Variants in EEPD1 observed in about 807,000 individuals in gnomAD.
EEPD1 encodes the protein endonuclease/exonuclease/phosphatase family domain-containing protein 1.
In EEPD1, 17 loss-of-function variants were observed where a neutral mutation model predicts 46.3. The observed-to-expected ratio is 0.37, with a 90% CI of 0.25 to 0.55. The LOEUF (loss-of-function observed/expected upper bound fraction) is 0.55. EEPD1 is among the 20% of genes least tolerant of loss of function. EEPD1 has a pLI of 0.83. For synonymous variants in EEPD1, 313 were observed against 315.6 expected (o/e 0.99, Z 0.09); for missense variants, 673 against 745.6 (o/e 0.90, Z 1.13).
intron 3 of EEPD1, among the ~76,000 whole-genome samples, chr7:36,244,971 A>C (rs1179958027): frequency 6.7e-6 from 1 of 148,162 alleles, no homozygotes; most frequent in African/African-American, 2.5e-5. Flanking sequence ...TTTGAGATGG[A>C]GTCTCGCTCT....
rs1222098273 is a variant in EEPD1, at chr7:36,301,301, T to C, written c.*2095T>C. On this transcript the variant is annotated 3_prime_UTR_variant, in exon 8 of 8. Coordinates refer to ENST00000242108, the MANE Select transcript of EEPD1 (RefSeq NM_030636.3). Reference sequence around the variant, plus strand: ...ATTGGGTGTTGGCTGTTTTTGGTTTTAGTTGTTGTTTTGTATTTTGTTGTT... The same window carrying C: ...ATTGGGTGTTGGCTGTTTTTGGTTTCAGTTGTTGTTTTGTATTTTGTTGTT... 3 of 152,342 alleles carry C rather than the reference T, an allele frequency of 2.0e-5. No homozygotes were observed. Among genetic ancestry groups the C allele is most frequent in the Admixed American group, 2.0e-4 (3 of 15,306 alleles). 9.4% of individuals were successfully genotyped at this position (152,342 alleles called of 1,614,324 possible).
chr7:36,259,988 A>G (rs1193060626), intron 3 of EEPD1, among the ~76,000 whole-genome samples: 1 of 152,228 alleles, frequency 6.6e-6, no homozygotes, highest in Non-Finnish European at 1.5e-5. Flanking sequence ...CTCTAATCCC[A>G]TGTAGCTCCT....
intron 2 of EEPD1, among the ~76,000 whole-genome samples, chr7:36,163,976 C>T (rs1394414001): frequency 2.6e-5 from 4 of 151,482 alleles, no homozygotes; most frequent in East Asian, 1.9e-4. Flanking sequence ...AGGCTAGATG[C>T]TTTCTTAACC....
intron 6 of EEPD1, among the ~76,000 whole-genome samples, chr7:36,289,519 TTG>T (rs141662490): frequency 6.6e-6 from 1 of 152,098 alleles, no homozygotes; most frequent in Non-Finnish European, 1.5e-5. Context: ...CCTCACTTTT[TTG>T]TGTGTGTGTG....
chr7:36,256,292 A>T (rs1786827812), intron 3 of EEPD1, among the ~76,000 whole-genome samples: 1 of 152,194 alleles, frequency 6.6e-6, no homozygotes, highest in Non-Finnish European at 1.5e-5. Context: ...AAGAATGTAT[A>T]TTCTATTGAT....
intron 3 of EEPD1, among the ~76,000 whole-genome samples, chr7:36,270,364 T>C (rs1787083894): frequency 6.6e-6 from 1 of 152,122 alleles, no homozygotes; most frequent in Non-Finnish European, 1.5e-5. Flanking sequence ...AACGTGCAGG[T>C]TTGTTACATA....
At chr7:36,259,418 T>C (rs1786881490) in intron 3 of EEPD1, among the ~76,000 whole-genome samples, 2 of 152,364 alleles carry the variant, frequency 1.3e-5, no homozygotes, top group South Asian at 4.1e-4. Context: ...ACTGTATAGC[T>C]GTATTCCGTC....
At chr7:36,293,411 C>T (rs1476086901) in intron 6 of EEPD1, among the ~76,000 whole-genome samples, 1 of 152,124 alleles carries the variant, frequency 6.6e-6, no homozygotes, top group Non-Finnish European at 1.5e-5. Flanking sequence ...CATGCAATCC[C>T]AGAGAGCTTC....
chr7:36,219,004 C>T (rs766583101), intron 2 of EEPD1, among the ~76,000 whole-genome samples: 19 of 151,864 alleles, frequency 1.3e-4, no homozygotes, highest in Non-Finnish European at 2.5e-4. Context: ...AGTGGGGTTT[C>T]GGGTTGGTAT....
intron 3 of EEPD1, among the ~76,000 whole-genome samples, chr7:36,260,798 TC>T (rs1786908540): frequency 6.6e-6 from 1 of 152,206 alleles, no homozygotes; most frequent in Non-Finnish European, 1.5e-5. Flanking sequence ...GCCCTCCACA[TC>T]TGTAGATTCA....
At chr7:36,173,164 G>A (rs1243814380) in intron 2 of EEPD1, among the ~76,000 whole-genome samples, 4 of 151,822 alleles carry the variant, frequency 2.6e-5, no homozygotes, top group African/African-American at 4.8e-5. Flanking sequence ...TCATAGGGAC[G>A]GTTTCCCCCA....
chr7:36,295,103 G>A (rs34260728), intron 6 of EEPD1, among the ~76,000 whole-genome samples: 36,923 of 151,152 alleles, frequency 0.24, 4,966 homozygotes, highest in Non-Finnish European at 0.31. Context: ...GCTTGAACCC[G>A]AGAGGCAGAG....
intron 2 of EEPD1, among the ~76,000 whole-genome samples, chr7:36,208,793 G>A (rs1171325680): frequency 6.6e-6 from 1 of 152,226 alleles, no homozygotes; most frequent in Non-Finnish European, 1.5e-5. Flanking sequence ...ATTAGAGGCA[G>A]TGATGCTTCA....
At chr7:36,280,261 G>A (rs974247418) in intron 3 of EEPD1, among the ~76,000 whole-genome samples, 4 of 152,186 alleles carry the variant, frequency 2.6e-5, no homozygotes, top group Admixed American at 1.3e-4. Context: ...TCTGGATAGG[G>A]GTGTAAGCTG....
At chr7:36,272,252 G>A (rs1345155752) in intron 3 of EEPD1, among the ~76,000 whole-genome samples, 1 of 152,130 alleles carries the variant, frequency 6.6e-6, no homozygotes, top group Non-Finnish European at 1.5e-5. Context: ...CTAGGATTAA[G>A]AGTCTTAGCA....
chr7:36,190,332 A>T (rs5008246), intron 2 of EEPD1, among the ~76,000 whole-genome samples: 121,830 of 151,558 alleles, frequency 0.8, 51,092 homozygotes, highest in Non-Finnish European at 0.92. Flanking sequence ...TGATTGCACC[A>T]CTGCACTCCA....
At chr7:36,227,095 T>C (rs781293539) in intron 2 of EEPD1, among the ~76,000 whole-genome samples, 1 of 152,150 alleles carries the variant, frequency 6.6e-6, no homozygotes, top group Non-Finnish European at 1.5e-5. Flanking sequence ...CAGAAACAGA[T>C]GCAGAGGTGA....
chr7:36,264,301 GA>G (rs1452512142), intron 3 of EEPD1, among the ~76,000 whole-genome samples: 9 of 152,300 alleles, frequency 5.9e-5, no homozygotes, highest in African/African-American at 2.2e-4. Flanking sequence ...GTGGGGTCAG[GA>G]CGATAGACAT....
chr7:36,228,460 G>C (rs559610349), intron 2 of EEPD1, among the ~76,000 whole-genome samples: 13 of 152,062 alleles, frequency 8.5e-5, no homozygotes, highest in Admixed American at 8.5e-4. Context: ...CTGGGAGGCA[G>C]AGGTTTCAGT....
Sources: gnomAD v4.1 joint callset for allele counts (sites outside exome capture counted in the v4.1 genomes callset) on GRCh38, gnomAD v4.1.1 for gene constraint, MANE v1.5 for transcripts, NCBI Gene and HGNC (gene_info 2026-07-23, HGNC 2026-07-21) for gene names.